The following MYT1L variants were observed in gnomAD, a reference collection of about 807,000 sequenced individuals.
MYT1L encodes the protein myelin transcription factor 1-like protein.
Under a neutral mutation model 126.7 loss-of-function variants are expected in MYT1L, and 12 were observed. That is an observed-to-expected ratio of 0.09 (90% confidence interval 0.06 to 0.15). The LOEUF (loss-of-function observed/expected upper bound fraction) is 0.15, where lower values mean the gene tolerates loss of function less well. Ranked by LOEUF, MYT1L falls within the 10% of genes least tolerant of loss-of-function variation. The probability of loss-of-function intolerance (pLI) is 1.00; values close to 1 mark genes in which losing one functional copy is unlikely to be tolerated. For missense variants in MYT1L, 979 were observed against 1,585.2 expected, an observed-to-expected ratio of 0.62 and a Z score of 6.49; for synonymous variants, 541 against 604.2, an observed-to-expected ratio of 0.90 and a Z score of 1.53.
At chr2:2,203,383 G>GCCCAAAAT in intron 2 of MYT1L, among the ~76,000 whole-genome samples, 1 of 127,848 alleles carries the variant, frequency 7.8e-6, no homozygotes, top group East Asian at 2.2e-4. Context: ...CATCGTCTCA[G>GCCCAAAAT]CTCCTTAAGC....
chr2:1,920,378 A>C (rs2053417790), intron 10 of MYT1L, among the ~76,000 whole-genome samples: 1 of 152,190 alleles, frequency 6.6e-6, no homozygotes, highest in Admixed American at 6.5e-5. Flanking sequence ...CAAGAAACCA[A>C]AGAAGCCACC....
At chr2:2,007,599 G>A (rs1336178086) in intron 4 of MYT1L, among the ~76,000 whole-genome samples, 1 of 152,140 alleles carries the variant, frequency 6.6e-6, no homozygotes, top group Non-Finnish European at 1.5e-5. Flanking sequence ...AAAGGGAAAG[G>A]TAACTTCTTG....
intron 4 of MYT1L, among the ~76,000 whole-genome samples, chr2:2,010,475 C>T (rs888189672): frequency 7.2e-5 from 11 of 151,976 alleles, no homozygotes; most frequent in African/African-American, 2.7e-4. Context: ...CAGCAGTGTG[C>T]TAGGAAGAAA....
intron 2 of MYT1L, among the ~76,000 whole-genome samples, chr2:2,223,714 C>A (rs2093941506): frequency 6.6e-6 from 1 of 152,104 alleles, no homozygotes; most frequent in Non-Finnish European, 1.5e-5. Flanking sequence ...GTTGAATGCC[C>A]AAGTCTATTT....
intron 15 of MYT1L, among the ~76,000 whole-genome samples, chr2:1,891,233 A>G (rs2048834432): frequency 6.6e-6 from 1 of 152,218 alleles, no homozygotes; most frequent in African/African-American, 2.4e-5. Context: ...CCACTCAGGT[A>G]CATGGCCAGG....
chr2:1,917,478 G>A lies in MYT1L; in HGVS notation c.1484-139C>T. The A allele has an allele frequency of 1.0e-6, 1 of 983,298 alleles. No homozygotes were observed. Among genetic ancestry groups the A allele is most frequent in the Non-Finnish European group, 1.5e-6 (1 of 669,352 alleles). 60.9% of individuals were successfully genotyped at this position (983,298 alleles called of 1,614,324 possible). On this transcript the variant is annotated intron_variant, in intron 10 of 24. Transcript: ENST00000647738. This position sits in a 1 kb window ranked among gnomAD's most constrained non-coding sequence, Gnocchi z 5.9. ...GGCTAGGCTGTGACATCAGACTTTT[G>A]CTTAGATAGTTCTTTGGTTTTGGGT...
intron 4 of MYT1L, among the ~76,000 whole-genome samples, chr2:2,041,526 C>T (rs1355364142): frequency 2.0e-5 from 3 of 152,188 alleles, no homozygotes; most frequent in Admixed American, 6.5e-5. Flanking sequence ...TTCTTTGTCT[C>T]TTATCAAATG....
At chr2:2,282,900 C>A (rs962931751) in intron 2 of MYT1L, among the ~76,000 whole-genome samples, 8 of 152,274 alleles carry the variant, frequency 5.3e-5, no homozygotes, top group Admixed American at 2.0e-4. Flanking sequence ...CATGGTGAAA[C>A]CCCGTCTTTA....
intron 3 of MYT1L, among the ~76,000 whole-genome samples, chr2:2,057,349 G>T (rs1014244188): frequency 7.4e-5 from 11 of 149,102 alleles, no homozygotes; most frequent in African/African-American, 2.7e-4. Flanking sequence ...GCCACGCCCA[G>T]CCTCTTCCTG....
At chr2:2,013,392 C>T (rs112549941) in intron 4 of MYT1L, among the ~76,000 whole-genome samples, 6,427 of 152,230 alleles carry the variant, frequency 0.042, 199 homozygotes, top group Non-Finnish European at 0.065. Flanking sequence ...CTGACACCTG[C>T]CCATCCAGCC....
intron 11 of MYT1L, among the ~76,000 whole-genome samples, chr2:1,914,737 GT>G (rs1359130466): frequency 6.6e-6 from 1 of 152,050 alleles, no homozygotes; most frequent in Non-Finnish European, 1.5e-5. Flanking sequence ...CATCCTCTTG[GT>G]CTCCCCTCTT....
intron 18 of MYT1L, among the ~76,000 whole-genome samples, chr2:1,862,124 C>A (rs1456528665): frequency 6.6e-6 from 1 of 152,150 alleles, no homozygotes; most frequent in African/African-American, 2.4e-5. Context: ...GGTTTATTTT[C>A]TCCTCTTTCA....
At chr2:1,836,687 T>C (rs2040947820) in intron 21 of MYT1L, among the ~76,000 whole-genome samples, 1 of 148,642 alleles carries the variant, frequency 6.7e-6, no homozygotes, top group Admixed American at 6.7e-5. Flanking sequence ...TCCATCAGCC[T>C]GCACCCCAAG....
At chr2:2,102,449 C>T (rs139160056) in intron 3 of MYT1L, among the ~76,000 whole-genome samples, 330 of 152,124 alleles carry the variant, frequency 2.2e-3, no homozygotes, top group African/African-American at 6.4e-3. Flanking sequence ...TTTCATCTGC[C>T]GAATTCCAAG....
intron 1 of MYT1L, among the ~76,000 whole-genome samples, chr2:2,330,253 GC>G (rs1004898338): frequency 1.8e-4 from 27 of 151,958 alleles, no homozygotes; most frequent in Admixed American, 2.0e-4. Context: ...AGCTTATATA[GC>G]TTTGATGGTA....
intron 3 of MYT1L, among the ~76,000 whole-genome samples, chr2:2,097,169 C>A (rs981040053): frequency 2.0e-5 from 3 of 152,182 alleles, no homozygotes; most frequent in African/African-American, 4.8e-5. Context: ...TTTCTCTATT[C>A]CGTGGGACTC....
rs59171974 is a variant in MYT1L at position 1,881,355 on chromosome 2, C to CGTGTGTGTGTGTGTGT, written c.2711+5168_2711+5183dup. 6.2e-4 allele frequency among the ~76,000 whole-genome samples: 86 copies of CGTGTGTGTGTGTGTGT among 139,226 alleles called. 1 individual carries two copies. Among genetic ancestry groups the CGTGTGTGTGTGTGTGT allele is most frequent in the East Asian group, 1.5e-3 (7 of 4,610 alleles). The allele number at this position is 139,226 out of a possible 152,430, so 91.3% of individuals were successfully genotyped here. ...GTGGTTTATTGTTGGTTTGCAGGTT[C>CGTGTGTGTGTGTGTGT]GTGTGTGTGTGTGTGTGTGTGTGTG... On this transcript the variant is annotated intron_variant, in intron 18 of 24. Coordinates refer to ENST00000647738, the MANE Select transcript of MYT1L (RefSeq NM_001303052.2).
intron 18 of MYT1L, among the ~76,000 whole-genome samples, chr2:1,862,913 G>C (rs143633456): frequency 6.6e-6 from 1 of 152,152 alleles, no homozygotes; most frequent in Non-Finnish European, 1.5e-5. Context: ...AAAGGAGGAG[G>C]AGAGGAGAGG....
chr2:2,045,180 T>C (rs962270545), intron 4 of MYT1L, among the ~76,000 whole-genome samples: 2 of 152,276 alleles, frequency 1.3e-5, no homozygotes, highest in Non-Finnish European at 2.9e-5. Context: ...GTAAGATTTA[T>C]GCAAGAAACT....
Sources: gnomAD v4.1 joint callset for allele counts (sites outside exome capture counted in the v4.1 genomes callset) on GRCh38, gnomAD v4.1.1 for gene constraint, Gnocchi (gnomAD v3.1) non-coding constraint, MANE v1.5 for transcripts, NCBI Gene and HGNC (gene_info 2026-07-23, HGNC 2026-07-21) for gene names.